SPIRE1: variants seen among roughly 807,000 people sequenced by gnomAD.
The protein encoded by SPIRE1 is protein spire homolog 1.
SPIRE1 carries 40 observed loss-of-function variants against 94.1 expected under a neutral mutation model. That is an observed-to-expected ratio of 0.43 (90% CI 0.33 to 0.55). SPIRE1 has a LOEUF of 0.55. Among genes scored for constraint, SPIRE1 ranks in the 20% least tolerant of loss-of-function variants. The pLI, the probability that SPIRE1 is intolerant of heterozygous loss-of-function variation, is 0.06. For synonymous variants in SPIRE1, 376 were observed against 371.7 expected (o/e 1.01, Z -0.13); for missense variants, 838 against 975.2 (o/e 0.86, Z 1.87).
At chr18:12,632,767 T>C (rs2037818555) in intron 2 of SPIRE1, among the ~76,000 whole-genome samples, 1 of 152,184 alleles carries the variant, frequency 6.6e-6, no homozygotes, top group Non-Finnish European at 1.5e-5. Flanking sequence ...ACCTATGTTA[T>C]GGATCAAATT....
At chr18:12,550,736 C>G (rs1387575767) in intron 2 of SPIRE1, among the ~76,000 whole-genome samples, 2 of 152,192 alleles carry the variant, frequency 1.3e-5, no homozygotes, top group African/African-American at 4.8e-5. Context: ...TCTGAAACCA[C>G]TGAAACACAA....
In SPIRE1 at chr18:12,478,425, C is replaced by T. The variant is rs544802297; in HGVS notation, c.1404+1274G>A. ...GTGTAGCTAGGGTGTGTGTGTGAAG[C>T]GAGGGTGTGTATGTGTGTGTGTAGC... On this transcript the variant is annotated intron_variant, in intron 10 of 16. Transcript: ENST00000409402. Among the ~76,000 whole-genome samples, 372 of 132,432 alleles carry T rather than the reference C, an allele frequency of 2.8e-3. 2 individuals are homozygous for T. The highest frequency in any genetic ancestry group is 4.0e-3 in the Non-Finnish European group (251 of 63,446). 86.9% of individuals were successfully genotyped at this position (132,432 alleles called of 152,430 possible). A position where few individuals can be genotyped will look rare whatever the true frequency, so the allele number is the denominator to read the frequency against.
rs368991752 is a variant in SPIRE1 at position 12,605,221 on chromosome 18, T to C, written c.372+29841A>G. ...GACTAAGATGATCAATTTTTTATCA[T>C]AATTTTAAAATAAAAGGCTGGGCAT... On this transcript the variant is annotated intron_variant, in intron 2 of 16. Transcript: ENST00000409402. 1.1e-3 allele frequency among the ~76,000 whole-genome samples: 168 copies of C among 152,330 alleles called. 5 individuals are homozygous for C. In the South Asian group the frequency reaches 0.011, roughly 10 times the overall value.
At chr18:12,633,463 C>T (rs903873235) in intron 2 of SPIRE1, among the ~76,000 whole-genome samples, 2 of 151,944 alleles carry the variant, frequency 1.3e-5, no homozygotes, top group East Asian at 1.9e-4. Flanking sequence ...GTAGTCCCAG[C>T]GACTCGGGAA....
intron 13 of SPIRE1, 45 bp downstream of exon 13, chr18:12,454,301 G>A (rs2031397775): frequency 1.9e-6 from 3 of 1,608,988 alleles, no homozygotes; most frequent in African/African-American, 1.3e-5. Flanking sequence ...CATGGGACTG[G>A]CCATCCTTCT....
intron 12 of SPIRE1, among the ~76,000 whole-genome samples, chr18:12,457,028 G>A (rs1048258214): frequency 1.3e-5 from 2 of 152,066 alleles, no homozygotes; most frequent in Non-Finnish European, 2.9e-5. Flanking sequence ...ATGGGGGTTC[G>A]CCATGTTGGC....
intron 2 of SPIRE1, among the ~76,000 whole-genome samples, chr18:12,596,341 T>C (rs2036671166): frequency 1.3e-5 from 2 of 152,236 alleles, no homozygotes; most frequent in South Asian, 4.1e-4. Context: ...TTCCTATCCT[T>C]ATTTTGCCTT....
intron 2 of SPIRE1, among the ~76,000 whole-genome samples, chr18:12,563,314 T>C (rs1034061276): frequency 1.3e-5 from 2 of 151,844 alleles, no homozygotes; most frequent in African/African-American, 2.4e-5. Flanking sequence ...ACAACTATTA[T>C]ATTAGTCTTT....
In SPIRE1 at chr18:12,512,446, G is replaced by T; in HGVS notation, c.807+8C>A. The stretch of plus-strand genomic sequence containing the variant: ...GTAAACAGATCAGAAAGCATTTCCA[G>T]CTCTTACCCAGTCAGCGTTTTTCAG... On this transcript the variant is annotated splice_region_variant and intron_variant, in intron 5 of 16. Transcript: ENST00000409402. 1 of 1,600,218 alleles carries T rather than the reference G, an allele frequency of 6.2e-7. No individual in the cohort carries two copies. Among genetic ancestry groups the T allele is most frequent in the Non-Finnish European group, 8.6e-7 (1 of 1,168,820 alleles).
rs1008775578 is a variant in SPIRE1, at chr18:12,559,042, G to A, written c.373-12138C>T. On this transcript the variant is annotated intron_variant, in intron 2 of 16. Transcript: ENST00000409402. This position sits in a 1 kb window ranked among gnomAD's most constrained non-coding sequence, Gnocchi z 4.7. Reference sequence around the variant, plus strand: ...CCCCTAGTGGATCCTGCACCAGGGCGGCGGGCAGAGGTGCCCGCCAGTCCC... The same window carrying A: ...CCCCTAGTGGATCCTGCACCAGGGCAGCGGGCAGAGGTGCCCGCCAGTCCC... Among the ~76,000 whole-genome samples the A allele has an allele frequency of 8.5e-5, 13 of 152,150 alleles. No individual in the cohort carries two copies. The highest frequency in any genetic ancestry group is 1.6e-4 in the Non-Finnish European group (11 of 68,014).
At chr18:12,494,150 C>G (rs2033347839) in intron 7 of SPIRE1, among the ~76,000 whole-genome samples, 1 of 152,104 alleles carries the variant, frequency 6.6e-6, no homozygotes, top group African/African-American at 2.4e-5. Context: ...CGGGCCCAAG[C>G]AATCTTCCCA....
chr18:12,550,359 G>A (rs566290596), intron 2 of SPIRE1, among the ~76,000 whole-genome samples: 1 of 152,274 alleles, frequency 6.6e-6, no homozygotes, highest in South Asian at 2.1e-4. Context: ...TAAGGCAGCA[G>A]TTTATGTAGT....
At chr18:12,580,790 C>T in intron 2 of SPIRE1, among the ~76,000 whole-genome samples, 1 of 152,174 alleles carries the variant, frequency 6.6e-6, no homozygotes, top group South Asian at 2.1e-4. Flanking sequence ...TGGCTCACGC[C>T]TGTAATTCCA....
Position 12,454,410 on chromosome 18 carries a change from A to G in SPIRE1, c.1712T>C (p.Val571Ala), listed in dbSNP as rs1275526585. ...EEVMHIRQVL[V>A]KAELEKYQQY... ...TTGGTATTTTTCCAGCTCTGCCTTC[A>G]CCAGGACCTGGCGAATATGCATCAC... Residue 571 changes from valine (V) to alanine (A), a missense_variant, in exon 13 of 17, where the codon GTG becomes GCG. Val to Ala is a moderately conservative substitution (Grantham distance 64, BLOSUM62 0). Coordinates refer to ENST00000409402, the MANE Select transcript of SPIRE1 (RefSeq NM_001128626.2). The G allele has an allele frequency of 6.2e-7, 1 of 1,613,744 alleles. No individual in the cohort carries two copies. Among genetic ancestry groups the G allele is most frequent in the African/African-American group, 1.3e-5 (1 of 74,866 alleles).
chr18:12,453,161 G>GAA, intron 13 of SPIRE1, 23 bp from the exon 14 acceptor site: 1 of 1,562,206 alleles, frequency 6.4e-7, no homozygotes. Flanking sequence ...AATTTAAGAG[G>GAA]AAAAAAAACA....
intron 7 of SPIRE1, among the ~76,000 whole-genome samples, chr18:12,495,100 A>C (rs972542988): frequency 6.6e-6 from 1 of 151,632 alleles, no homozygotes; most frequent in African/African-American, 2.4e-5. Context: ...CCTTCTTTAA[A>C]AAAGATTTAT....
At chr18:12,464,755 G>T in intron 11 of SPIRE1, 113 bp downstream of exon 11, 2 of 781,246 alleles carry the variant, frequency 2.6e-6, no homozygotes, top group Non-Finnish European at 2.1e-6. Context: ...AAATGCCTGA[G>T]TTAGTTCTTT....
chr18:12,617,964 C>T (rs550879181), intron 2 of SPIRE1, among the ~76,000 whole-genome samples: 2 of 152,270 alleles, frequency 1.3e-5, no homozygotes, highest in East Asian at 1.9e-4. Context: ...AAGTCCTCAA[C>T]AAATGATGTA....
chr18:12,632,130 C>CT (rs953078447), intron 2 of SPIRE1, among the ~76,000 whole-genome samples: 1 of 152,080 alleles, frequency 6.6e-6, no homozygotes, highest in Non-Finnish European at 1.5e-5. Flanking sequence ...ATGGTACGCT[C>CT]TTAAGAGAAT....
Sources: gnomAD v4.1 joint callset for allele counts (sites outside exome capture counted in the v4.1 genomes callset) on GRCh38, gnomAD v4.1.1 for gene constraint, Gnocchi (gnomAD v3.1) non-coding constraint, MANE v1.5 for transcripts, NCBI Gene and HGNC (gene_info 2026-07-23, HGNC 2026-07-21) for gene names.